Variants in FAT3 observed in about 807,000 individuals in gnomAD.
The protein encoded by FAT3 is protocadherin Fat 3.
A neutral mutation model predicts 310.2 loss-of-function variants in FAT3; 95 were observed. The ratio of observed to expected loss-of-function variants is 0.31; its 90% CI spans 0.26 to 0.36. FAT3 has a LOEUF of 0.36. FAT3 is among the 10% of genes least tolerant of loss of function. The probability of loss-of-function intolerance (pLI) is 1.00; values close to 1 mark genes in which losing one functional copy is unlikely to be tolerated. For missense variants in FAT3, 5,408 were observed against 5,715.6 expected (o/e 0.95, Z 1.74); for synonymous variants, 2,314 against 2,192.9 (o/e 1.06, Z -1.54).
In FAT3 at chr11:92,556,888, T is replaced by C. The variant is rs115666341; in HGVS notation, c.3607+31940T>C. ...ATGTAACGTACCATTTACGTATCTGTCTCCCAGCTCTGCCCTGAGCTCCTG... is the reference window on the plus strand; with the variant it reads ...ATGTAACGTACCATTTACGTATCTGCCTCCCAGCTCTGCCCTGAGCTCCTG... On this transcript the variant is annotated intron_variant, in intron 3 of 27. Transcript: ENST00000525166. 7.9e-3 allele frequency among the ~76,000 whole-genome samples: 1,209 copies of C among 152,226 alleles called. 14 individuals are homozygous for C. The highest frequency in any genetic ancestry group is 0.028 in the African/African-American group (1,150 of 41,532).
intron 22 of FAT3, among the ~76,000 whole-genome samples, chr11:92,878,292 G>A (rs1277402150): frequency 6.6e-6 from 1 of 152,134 alleles, no homozygotes; most frequent in East Asian, 1.9e-4. Flanking sequence ...ATATTATGGA[G>A]AGTAATATGT....
chr11:92,530,459 C>T (rs1158843222), intron 3 of FAT3, among the ~76,000 whole-genome samples: 2 of 152,062 alleles, frequency 1.3e-5, no homozygotes, highest in Admixed American at 1.3e-4. Flanking sequence ...TTAATTCAGT[C>T]ACCCACTCCC....
At chr11:92,691,742 T>A (rs1217930200) in intron 3 of FAT3, among the ~76,000 whole-genome samples, 2 of 152,236 alleles carry the variant, frequency 1.3e-5, no homozygotes, top group African/African-American at 4.8e-5. Context: ...CGGGCAAGTT[T>A]ATTTAACTGT....
chr11:92,526,128 G>A (rs486806), intron 3 of FAT3, among the ~76,000 whole-genome samples: 95,287 of 151,930 alleles, frequency 0.63, 30,690 homozygotes, highest in African/African-American at 0.79. Context: ...GCAGAAGAGG[G>A]CTCAGATTTG....
chr11:92,641,080 C>T (rs1941945521), intron 3 of FAT3, among the ~76,000 whole-genome samples: 1 of 152,080 alleles, frequency 6.6e-6, no homozygotes, highest in Non-Finnish European at 1.5e-5. Context: ...CCTGTAGTCC[C>T]AGCTACTCGG....
At chr11:92,716,936 G>A (rs572623151) in intron 4 of FAT3, among the ~76,000 whole-genome samples, 1 of 152,316 alleles carries the variant, frequency 6.6e-6, no homozygotes, top group East Asian at 1.9e-4. Flanking sequence ...AAGAGGCTGG[G>A]TGTAGGTTCA....
intron 1 of FAT3, among the ~76,000 whole-genome samples, chr11:92,272,625 G>GAGAGAATGA (rs1389365477): frequency 6.6e-6 from 1 of 152,076 alleles, no homozygotes; most frequent in Non-Finnish European, 1.5e-5. Context: ...GGGAGGATGG[G>GAGAGAATGA]AGAGAATGAA....
chr11:92,612,153 T>C (rs1940592418), intron 3 of FAT3, among the ~76,000 whole-genome samples: 1 of 152,238 alleles, frequency 6.6e-6, no homozygotes, highest in Non-Finnish European at 1.5e-5. Flanking sequence ...CTTTCCTTTT[T>C]TTACTTGTAA....
chr11:92,401,163 C>T (rs539614803), intron 2 of FAT3, among the ~76,000 whole-genome samples: 1 of 152,112 alleles, frequency 6.6e-6, no homozygotes, highest in Non-Finnish European at 1.5e-5. Flanking sequence ...GGCGGGGATA[C>T]TTTACTAGTT....
At chr11:92,426,493 G>A (rs548811035) in intron 2 of FAT3, among the ~76,000 whole-genome samples, 3 of 152,198 alleles carry the variant, frequency 2.0e-5, no homozygotes, top group South Asian at 2.1e-4. Flanking sequence ...TTCTTCTAGC[G>A]TTTTTATGGT....
At chr11:92,745,571 C>T (rs1945636895) in intron 4 of FAT3, among the ~76,000 whole-genome samples, 1 of 136,152 alleles carries the variant, frequency 7.3e-6, no homozygotes, top group Admixed American at 7.3e-5. Flanking sequence ...TGATGCATAC[C>T]TCTCTGCAGG....
At chr11:92,663,324 T>A (rs570144923) in intron 3 of FAT3, among the ~76,000 whole-genome samples, 1 of 152,180 alleles carries the variant, frequency 6.6e-6, no homozygotes, top group East Asian at 1.9e-4. Context: ...TGAGACTAGG[T>A]CACAGTGTGC....
chr11:92,455,722 T>C (rs1414942630), intron 2 of FAT3, among the ~76,000 whole-genome samples: 1 of 152,190 alleles, frequency 6.6e-6, no homozygotes, highest in Non-Finnish European at 1.5e-5. Context: ...CTCCTTACTT[T>C]TAGATCTTAA....
chr11:92,510,116 T>C (rs1164270960), intron 2 of FAT3, among the ~76,000 whole-genome samples: 1 of 152,088 alleles, frequency 6.6e-6, no homozygotes, highest in African/African-American at 2.4e-5. Context: ...CGTCAGAAAA[T>C]ATTTCTAGAT....
At chr11:92,315,407 G>A (rs1178750674) in intron 1 of FAT3, among the ~76,000 whole-genome samples, 1 of 148,414 alleles carries the variant, frequency 6.7e-6, no homozygotes, top group Non-Finnish European at 1.5e-5. Context: ...AAAGTTTACT[G>A]TTAACACAAT....
intron 2 of FAT3, among the ~76,000 whole-genome samples, chr11:92,445,894 G>T (rs995206677): frequency 4.6e-5 from 7 of 152,062 alleles, no homozygotes; most frequent in African/African-American, 1.7e-4. Context: ...TTGTAGTTAT[G>T]ACCTCAGGTT....
chr11:92,483,125 A>G (rs996364221), intron 2 of FAT3, among the ~76,000 whole-genome samples: 2 of 152,142 alleles, frequency 1.3e-5, no homozygotes, highest in African/African-American at 4.8e-5. Flanking sequence ...GCATCACAGA[A>G]AACCACCATA....
At chr11:92,471,914 G>GATATAT (rs1591334645) in intron 2 of FAT3, among the ~76,000 whole-genome samples, 2 of 62,930 alleles carry the variant, frequency 3.2e-5, no homozygotes, top group Non-Finnish European at 6.4e-5. Flanking sequence ...CTTTTCATAT[G>GATATAT]CTATATATAT....
intron 2 of FAT3, among the ~76,000 whole-genome samples, chr11:92,366,282 G>A (rs547599191): frequency 5.8e-4 from 89 of 152,252 alleles, no homozygotes; most frequent in African/African-American, 2.0e-3. Flanking sequence ...GAGAACCTGT[G>A]CCCTAGAAGC....
Sources: allele counts gnomAD v4.1 joint callset (sites outside exome capture counted in the v4.1 genomes callset), GRCh38; gene constraint gnomAD v4.1.1; transcripts MANE v1.5; gene names NCBI Gene and HGNC (gene_info 2026-07-23, HGNC 2026-07-21).